The following CAST variants were observed in gnomAD, a reference collection of about 807,000 sequenced individuals.
CAST encodes the protein MIR583 host.
CAST carries 76 observed loss-of-function variants against 119.6 expected under a neutral mutation model. The ratio of observed to expected loss-of-function variants is 0.64; its 90% CI spans 0.53 to 0.77. The LOEUF (loss-of-function observed/expected upper bound fraction) is 0.77. Among genes scored for constraint, CAST ranks in the 30% least tolerant of loss-of-function variants. The pLI, the probability that CAST is intolerant of heterozygous loss-of-function variation, is 0.00. For synonymous variants in CAST, 319 were observed against 331.6 expected, an observed-to-expected ratio of 0.96 and a Z score of 0.41; for missense variants, 953 against 946.5, an observed-to-expected ratio of 1.01 and a Z score of -0.09.
chr5:96,618,479 G>A (rs1476315007), intron 1 of CAST, among the ~76,000 whole-genome samples: 1 of 152,256 alleles, frequency 6.6e-6, no homozygotes, highest in Admixed American at 6.5e-5. Context: ...TGAGGCTGGA[G>A]CCAGCACCCT....
At chr5:96,593,012 G>A (rs1042195162) in intron 1 of CAST, among the ~76,000 whole-genome samples, 2 of 152,108 alleles carry the variant, frequency 1.3e-5, no homozygotes, top group South Asian at 2.1e-4. Flanking sequence ...TGATCCGCCC[G>A]CCTCGGCCTC....
At chr5:96,722,844 G>A (rs1758554344) in intron 4 of CAST, 146 bp downstream of exon 4, 2 of 651,664 alleles carry the variant, frequency 3.1e-6, no homozygotes, top group Non-Finnish European at 5.5e-6. Flanking sequence ...AATTTATGGG[G>A]GTCTTTGAAA....
chr5:96,562,038 C>A (rs1005406193), intron 1 of CAST, among the ~76,000 whole-genome samples: 101 of 151,082 alleles, frequency 6.7e-4, no homozygotes, highest in Non-Finnish European at 1.3e-3. Flanking sequence ...GTGATCCGCC[C>A]GCCTCGGCCT....
the CAST span, among the ~76,000 whole-genome samples, chr5:96,368,604 C>T: frequency 6.6e-6 from 1 of 152,118 alleles, no homozygotes; most frequent in East Asian, 1.9e-4. Context: ...CTGATTCGCT[C>T]CAGTAGGAAG....
the CAST span, among the ~76,000 whole-genome samples, chr5:96,052,444 G>A: frequency 6.6e-6 from 1 of 152,174 alleles, no homozygotes; most frequent in Non-Finnish European, 1.5e-5. Flanking sequence ...TATATCTCTG[G>A]TTAGGTGCCC....
the CAST span, among the ~76,000 whole-genome samples, chr5:96,294,932 T>C: frequency 1.3e-5 from 2 of 152,206 alleles, no homozygotes; most frequent in Non-Finnish European, 2.9e-5. Flanking sequence ...TGTCTGCTCA[T>C]GTCACCTTAC....
At chr5:96,419,764 G>A in the CAST span, among the ~76,000 whole-genome samples, 2 of 151,660 alleles carry the variant, frequency 1.3e-5, no homozygotes, top group African/African-American at 2.4e-5. Flanking sequence ...CCCTGAGTCA[G>A]GGAAATTATA....
chr5:96,047,929 G>C, the CAST span, among the ~76,000 whole-genome samples: 1 of 152,184 alleles, frequency 6.6e-6, no homozygotes, highest in East Asian at 1.9e-4. Context: ...GGAGGAAAGG[G>C]AGAAGGCATG....
chr5:96,015,589 T>C, the CAST span, among the ~76,000 whole-genome samples: 1 of 152,132 alleles, frequency 6.6e-6, no homozygotes, highest in Non-Finnish European at 1.5e-5. Context: ...GATAAGGAAA[T>C]TGAAGCTCAG....
chr5:96,130,921 C>A, the CAST span, among the ~76,000 whole-genome samples: 2 of 152,060 alleles, frequency 1.3e-5, no homozygotes, highest in African/African-American at 4.8e-5. Flanking sequence ...TCTCCTACAT[C>A]GTTGAGTGAA....
chr5:96,196,686 T>C, the CAST span, among the ~76,000 whole-genome samples: 1 of 151,972 alleles, frequency 6.6e-6, no homozygotes, highest in South Asian at 2.1e-4. Context: ...AATAAAAAAG[T>C]GGGGATACAA....
chr5:96,080,959 G>T, the CAST span, among the ~76,000 whole-genome samples: 35 of 152,266 alleles, frequency 2.3e-4, no homozygotes, highest in Admixed American at 9.8e-4. Flanking sequence ...ATCAGCTTTG[G>T]TATTGTATTT....
chr5:96,548,360 T>C (rs1245776473), intron 1 of CAST, among the ~76,000 whole-genome samples: 1 of 152,180 alleles, frequency 6.6e-6, no homozygotes, highest in East Asian at 1.9e-4. Flanking sequence ...CAAACATAGC[T>C]ACAGACTTTT....
the CAST span, among the ~76,000 whole-genome samples, chr5:96,096,669 T>G: frequency 3.0e-4 from 46 of 152,322 alleles, no homozygotes; most frequent in African/African-American, 1.0e-3. Context: ...CATTCTCAAA[T>G]CCTCTTGTTT....
At chr5:96,072,516 C>T in the CAST span, among the ~76,000 whole-genome samples, 6 of 152,282 alleles carry the variant, frequency 3.9e-5, no homozygotes, top group South Asian at 1.0e-3. Context: ...ATGTAAACTG[C>T]CCATGAAACC....
At chr5:96,102,519 A>C in the CAST span, among the ~76,000 whole-genome samples, 77 of 152,312 alleles carry the variant, frequency 5.1e-4, 1 homozygote, top group Admixed American at 2.7e-3. Context: ...AGGAGAGAGC[A>C]GGCAAATAGG....
chr5:96,455,551 A>G, the CAST span, among the ~76,000 whole-genome samples: 1 of 152,350 alleles, frequency 6.6e-6, no homozygotes, highest in South Asian at 2.1e-4. Flanking sequence ...TGCAACAGCT[A>G]AGGAGGGTCT....
At chr5:96,185,489 A>T in the CAST span, among the ~76,000 whole-genome samples, 1 of 152,174 alleles carries the variant, frequency 6.6e-6, no homozygotes, top group South Asian at 2.1e-4. Flanking sequence ...TGGGTTTTAC[A>T]TTGAAGTCTT....
intron 1 of CAST, among the ~76,000 whole-genome samples, chr5:96,672,463 G>A (rs1003193733): frequency 4.6e-5 from 7 of 152,048 alleles, no homozygotes; most frequent in South Asian, 2.1e-4. Context: ...TAATCCCAAC[G>A]CTTTGGGAGG....
Sources: allele counts gnomAD v4.1 joint callset (sites outside exome capture counted in the v4.1 genomes callset), GRCh38; gene constraint gnomAD v4.1.1; transcripts MANE v1.5; gene names NCBI Gene and HGNC (gene_info 2026-07-23, HGNC 2026-07-21).